LPIN1: variants seen among roughly 807,000 people sequenced by gnomAD.
The protein encoded by LPIN1 is phosphatidate phosphatase LPIN1.
Under a neutral mutation model 107.5 loss-of-function variants are expected in LPIN1, and 71 were observed. The observed-to-expected ratio is 0.66, with a 90% CI of 0.55 to 0.80. The LOEUF (loss-of-function observed/expected upper bound fraction) is 0.80, where lower values mean the gene tolerates loss of function less well. Among genes scored for constraint, LPIN1 ranks in the 30% least tolerant of loss-of-function variants. LPIN1 has a pLI of 0.00. For missense variants in LPIN1, 1,043 were observed against 1,160.6 expected (o/e 0.90, Z 1.47); for synonymous variants, 445 against 452.6 (o/e 0.98, Z 0.21).
In LPIN1 at chr2:11,819,016, T is replaced by C. The variant is rs576471598; in HGVS notation, c.2403-468T>C. The C allele has an allele frequency of 4.5e-4, 69 of 153,648 alleles. No individual in the cohort carries two copies. The South Asian group carries it at 0.014, about 31-fold the overall frequency. The allele number at this position is 153,648 out of a possible 1,614,324, so 9.5% of individuals were successfully genotyped here. A position where few individuals can be genotyped will look rare whatever the true frequency, so the allele number is the denominator to read the frequency against. On this transcript the variant is annotated intron_variant, in intron 18 of 20. Transcript: ENST00000674199. ...ATTCCTGGAATAAACCCAGCTTTTA[T>C]ACATTGCTACAATTTGTATACACAC...
rs759383693 is a variant in LPIN1, at chr2:11,783,783, A to G, written c.1265-46A>G. On this transcript the variant is annotated intron_variant, in intron 8 of 20. Transcript: ENST00000674199. ...TCTATAGATACAAGGCCATGAGCTC[A>G]TTTCTAGAAGAGTGGTTTTCTGACT... 5 of 1,499,648 alleles carry G rather than the reference A, an allele frequency of 3.3e-6. No homozygotes were observed. In the East Asian group the frequency reaches 1.1e-4, roughly 34 times the overall value. The allele number at this position is 1,499,648 out of a possible 1,614,324, so 92.9% of individuals were successfully genotyped here.
intron 1 of LPIN1, among the ~76,000 whole-genome samples, chr2:11,696,747 G>T (rs748912227): frequency 6.6e-6 from 1 of 152,198 alleles, no homozygotes; most frequent in African/African-American, 2.4e-5. Flanking sequence ...ACAACTCCTC[G>T]CTTGCTCCAT....
chr2:11,690,168 C>T (rs370637864), intron 1 of LPIN1, among the ~76,000 whole-genome samples: 6 of 152,312 alleles, frequency 3.9e-5, no homozygotes, highest in African/African-American at 1.4e-4. Context: ...TCTTTATCTA[C>T]ACTTTTTGCA....
intron 1 of LPIN1, among the ~76,000 whole-genome samples, chr2:11,753,576 GGCGTGGGCTGCTGCC>G (rs1668191878): frequency 6.6e-6 from 1 of 152,206 alleles, no homozygotes; most frequent in Non-Finnish European, 1.5e-5. Flanking sequence ...GTTACAGCAG[GGCGTGGGCTGCTGCC>G]CAGGTGGCCT....
upstream of LPIN1, among the ~76,000 whole-genome samples, chr2:11,744,865 C>T (rs752218896): frequency 6.6e-6 from 1 of 152,188 alleles, no homozygotes; most frequent in Non-Finnish European, 1.5e-5. Flanking sequence ...GGAGGTAGCT[C>T]ACCTACAAAC....
intron 17 of LPIN1, chr2:11,805,394 T>G (rs771001870): frequency 3.3e-6 from 2 of 603,618 alleles, no homozygotes; most frequent in Non-Finnish European, 6.0e-6. Context: ...GGGAATTGAT[T>G]ACTAGGAGAA....
intron 1 of LPIN1, among the ~76,000 whole-genome samples, chr2:11,708,099 C>G (rs943930106): frequency 7.9e-5 from 12 of 152,114 alleles, no homozygotes; most frequent in Admixed American, 6.5e-5. Context: ...GTCATCTCTC[C>G]TAACTAACAG....
chr2:11,779,759 A>C (rs1021643334), intron 7 of LPIN1, 114 bp downstream of exon 7: 8 of 1,259,300 alleles, frequency 6.4e-6, no homozygotes, highest in Non-Finnish European at 8.1e-6. Context: ...CCAGAGGTAA[A>C]CCAAAATATA....
chr2:11,763,962 TTA>T (rs1670279807), intron 1 of LPIN1, among the ~76,000 whole-genome samples: 3 of 117,872 alleles, frequency 2.5e-5, no homozygotes, highest in Non-Finnish European at 3.6e-5. Flanking sequence ...GACATATATT[TTA>T]GTGTGTGTGT....
At chr2:11,753,479 G>A (rs1224219390) in intron 1 of LPIN1, among the ~76,000 whole-genome samples, 2 of 152,210 alleles carry the variant, frequency 1.3e-5, no homozygotes, top group African/African-American at 4.8e-5. Context: ...AGGCACTCTG[G>A]CCAGGACAGT....
At chr2:11,740,450 G>A (rs1427623619) in intron 1 of LPIN1, among the ~76,000 whole-genome samples, 3 of 152,146 alleles carry the variant, frequency 2.0e-5, no homozygotes, top group Non-Finnish European at 4.4e-5. Flanking sequence ...CGAGGTCGAA[G>A]CAGGCAGATC....
chr2:11,748,630 C>T (rs189178435), intron 1 of LPIN1, among the ~76,000 whole-genome samples: 1 of 152,290 alleles, frequency 6.6e-6, no homozygotes, highest in African/African-American at 2.4e-5. Flanking sequence ...TGGCTGACGC[C>T]GGCCTCTGCT....
Position 11,824,744 on chromosome 2 carries a change from C to T in LPIN1, c.2734C>T (p.Pro912Ser), listed in dbSNP as rs756812127. 29 of 1,614,092 alleles carry T rather than the reference C, an allele frequency of 1.8e-5. No homozygotes were observed. Among genetic ancestry groups the T allele is most frequent in the South Asian group, 6.6e-5 (6 of 91,088 alleles). Residue 912 changes from proline to serine, a missense_variant, in exon 21 of 21, where the codon CCA becomes TCA. By Grantham distance (74) the Pro-to-Ser change is moderately conservative (BLOSUM62 -1). Coordinates refer to ENST00000674199, the MANE Select transcript of LPIN1 (RefSeq NM_001349206.2). ...TFSNFTFWRE[P>S]LPPFENQDIH... Reference sequence around the variant, plus strand: ...CAGTAACTTCACCTTTTGGAGAGAGCCACTGCCACCTTTTGAAAACCAGGA... The same window carrying T: ...CAGTAACTTCACCTTTTGGAGAGAGTCACTGCCACCTTTTGAAAACCAGGA...
At chr2:11,737,620 C>G (rs906362988) in intron 1 of LPIN1, among the ~76,000 whole-genome samples, 2 of 152,098 alleles carry the variant, frequency 1.3e-5, no homozygotes, top group Non-Finnish European at 2.9e-5. Context: ...ATGTGGCCAA[C>G]AAATGTATGA....
intron 1 of LPIN1, among the ~76,000 whole-genome samples, chr2:11,711,137 A>G (rs758632179): frequency 9.2e-5 from 14 of 152,218 alleles, no homozygotes; most frequent in Non-Finnish European, 1.8e-4. Flanking sequence ...GTGCAAAATC[A>G]ATCCAACTAT....
chr2:11,682,959 G>A (rs929891627), intron 1 of LPIN1: 1 of 152,216 alleles, frequency 6.6e-6, no homozygotes, highest in African/African-American at 2.4e-5. Flanking sequence ...ACCTTAGTGT[G>A]TAGGCTTCCC....
At chr2:11,776,574 G>GGAATATGATCTTCT (rs1213251791) in intron 6 of LPIN1, among the ~76,000 whole-genome samples, 2 of 151,858 alleles carry the variant, frequency 1.3e-5, no homozygotes, top group Non-Finnish European at 2.9e-5. Flanking sequence ...TTCTGTCTCG[G>GGAATATGATCTTCT]GTTGTTTGAC....
chr2:11,736,242 C>T (rs914016666), intron 1 of LPIN1, among the ~76,000 whole-genome samples: 1 of 152,216 alleles, frequency 6.6e-6, no homozygotes. Context: ...TTAGGTCAGG[C>T]TGCTAGAACA....
intron 3 of LPIN1, among the ~76,000 whole-genome samples, chr2:11,769,115 A>G (rs1333824039): frequency 6.6e-6 from 1 of 152,256 alleles, no homozygotes; most frequent in African/African-American, 2.4e-5. Flanking sequence ...CCATGTGGTA[A>G]CTTTACATTT....
Sources: allele counts gnomAD v4.1 joint callset (sites outside exome capture counted in the v4.1 genomes callset), GRCh38; gene constraint gnomAD v4.1.1; transcripts MANE v1.5; gene names NCBI Gene and HGNC (gene_info 2026-07-23, HGNC 2026-07-21).